Variants in DOCK3 observed in about 807,000 individuals in gnomAD.
DOCK3 encodes the protein dedicator of cytokinesis 3.
In DOCK3, 60 loss-of-function variants were observed where a neutral mutation model predicts 265.6. The observed-to-expected ratio is 0.23, with a 90% CI of 0.18 to 0.28. The LOEUF (loss-of-function observed/expected upper bound fraction) is 0.28, where lower values mean the gene tolerates loss of function less well. Ranked by LOEUF, DOCK3 falls within the 10% of genes least tolerant of loss-of-function variation. The pLI is 1.00. For synonymous variants in DOCK3, 881 were observed against 938.0 expected, an observed-to-expected ratio of 0.94 and a Z score of 1.11; for missense variants, 1,981 against 2,594.3, an observed-to-expected ratio of 0.76 and a Z score of 5.14.
In DOCK3 at chr3:51,374,938, T is replaced by C. The variant is rs2087980203; in HGVS notation, c.5412+351T>C. 2.0e-5 allele frequency among the ~76,000 whole-genome samples: 3 copies of C among 152,232 alleles called. No individual in the cohort carries two copies. Among genetic ancestry groups the C allele is most frequent in the Non-Finnish European group, 2.9e-5 (2 of 68,044 alleles). ...TTCTGAGAAGGCAGTGGTGGACACA[T>C]TGGTCTGGAAGATGTTCTTCCTCCC... On this transcript the variant is annotated intron_variant, in intron 50 of 52. Coordinates refer to ENST00000266037, the MANE Select transcript of DOCK3 (RefSeq NM_004947.5). This position sits in a 1 kb window ranked among gnomAD's most constrained non-coding sequence, Gnocchi z 4.8.
chr3:50,741,107 G>C (rs2038990449), intron 1 of DOCK3, among the ~76,000 whole-genome samples: 1 of 151,372 alleles, frequency 6.6e-6, no homozygotes, highest in Admixed American at 6.6e-5. Flanking sequence ...TCATGTGCTA[G>C]AGCTTCATTA....
chr3:50,812,373 A>G (rs1046576950), intron 2 of DOCK3, among the ~76,000 whole-genome samples: 12 of 152,332 alleles, frequency 7.9e-5, no homozygotes, highest in African/African-American at 2.9e-4. Flanking sequence ...GGCAAAAGAA[A>G]GATGTTTATA....
chr3:50,762,995 G>T (rs1489702551), intron 1 of DOCK3, among the ~76,000 whole-genome samples: 2 of 151,898 alleles, frequency 1.3e-5, no homozygotes, highest in Admixed American at 6.6e-5. Flanking sequence ...TTACAGTGGG[G>T]TTATATCCTA....
At chr3:50,682,548 A>G (rs2034486535) in intron 1 of DOCK3, among the ~76,000 whole-genome samples, 1 of 152,096 alleles carries the variant, frequency 6.6e-6, no homozygotes, top group Non-Finnish European at 1.5e-5. Flanking sequence ...ATCCTGTTAT[A>G]CTTTGTATTT....
At chr3:51,175,200 G>A (rs1448632831) in intron 12 of DOCK3, among the ~76,000 whole-genome samples, 1 of 152,118 alleles carries the variant, frequency 6.6e-6, no homozygotes, top group Non-Finnish European at 1.5e-5. Flanking sequence ...TTTCTCCCTT[G>A]GGTCCCTGGG....
At chr3:51,358,155 GA>G in intron 46 of DOCK3, 78 bp downstream of exon 46, 1 of 1,443,914 alleles carries the variant, frequency 6.9e-7, no homozygotes, top group Non-Finnish European at 9.6e-7. Context: ...CAAACCAAAG[GA>G]AAATAGGAGA....
At chr3:50,917,026 C>T (rs907936226) in intron 4 of DOCK3, among the ~76,000 whole-genome samples, 12 of 151,910 alleles carry the variant, frequency 7.9e-5, no homozygotes, top group Non-Finnish European at 1.3e-4. Flanking sequence ...AGGAAAGACA[C>T]GGATGTTCCA....
intron 12 of DOCK3, among the ~76,000 whole-genome samples, chr3:51,199,266 G>A (rs998789368): frequency 3.1e-4 from 47 of 152,346 alleles, no homozygotes; most frequent in African/African-American, 1.1e-3. Context: ...CAAGGGGTCA[G>A]GGAGTTCCGT....
intron 1 of DOCK3, among the ~76,000 whole-genome samples, chr3:50,720,789 A>G (rs958406329): frequency 1.3e-5 from 2 of 152,210 alleles, no homozygotes; most frequent in African/African-American, 4.8e-5. Context: ...CTTCTTCCAC[A>G]ATGGCTGAAC....
At chr3:51,207,792 G>T (rs1253956558) in intron 12 of DOCK3, among the ~76,000 whole-genome samples, 1 of 152,044 alleles carries the variant, frequency 6.6e-6, no homozygotes, top group African/African-American at 2.4e-5. Context: ...AGTTCCATGG[G>T]TTCTCCTTTT....
chr3:51,277,555 G>A, intron 25 of DOCK3, 53 bp from the exon 26 acceptor site: 28 of 1,491,406 alleles, frequency 1.9e-5, no homozygotes, highest in Non-Finnish European at 2.5e-5. Flanking sequence ...GCTGCCAGCT[G>A]TACTTCAGCC....
Position 50,905,613 on chromosome 3 carries a change from G to A in DOCK3, c.218+15532G>A, listed in dbSNP as rs1367619005. 2.6e-5 allele frequency among the ~76,000 whole-genome samples: 4 copies of A among 152,084 alleles called. No homozygotes were observed. In the South Asian group the frequency reaches 8.3e-4, roughly 31 times the overall value. ...CTTGTGATTTTTGCACATTGATTTT[G>A]TATCCTGAGACTTTGCTGAAGTTGC... On this transcript the variant is annotated intron_variant, in intron 4 of 52. Transcript: ENST00000266037.
chr3:51,320,862 A>T (rs2083675158), intron 32 of DOCK3, among the ~76,000 whole-genome samples: 2 of 152,188 alleles, frequency 1.3e-5, no homozygotes, highest in African/African-American at 4.8e-5. Flanking sequence ...TCTCCCTGGG[A>T]CAGAGCACCT....
chr3:51,152,079 C>G (rs2085628796), intron 10 of DOCK3, among the ~76,000 whole-genome samples: 1 of 152,166 alleles, frequency 6.6e-6, no homozygotes. Context: ...GGATAATATC[C>G]TGCAGAGTGT....
At chr3:50,753,830 T>A (rs1044823065) in intron 1 of DOCK3, among the ~76,000 whole-genome samples, 1 of 152,118 alleles carries the variant, frequency 6.6e-6, no homozygotes, top group Non-Finnish European at 1.5e-5. Flanking sequence ...GTTAAATGGA[T>A]TGTGAAATAC....
intron 12 of DOCK3, among the ~76,000 whole-genome samples, chr3:51,181,254 A>G (rs2087275591): frequency 6.6e-6 from 1 of 151,226 alleles, no homozygotes; most frequent in African/African-American, 2.4e-5. Context: ...CGTCATTTAT[A>G]TTAGGTATAT....
chr3:51,101,698 CTTA>C (rs1476126014), intron 9 of DOCK3, among the ~76,000 whole-genome samples: 1 of 152,100 alleles, frequency 6.6e-6, no homozygotes, highest in Non-Finnish European at 1.5e-5. Context: ...GAACAAATGA[CTTA>C]TTATAAACTC....
chr3:51,043,678 T>C (rs2080635386), intron 5 of DOCK3, among the ~76,000 whole-genome samples: 1 of 151,560 alleles, frequency 6.6e-6, no homozygotes, highest in Non-Finnish European at 1.5e-5. Flanking sequence ...TTGCATTATA[T>C]GCATTCAGCA....
At chr3:50,758,303 A>G (rs1462816059) in intron 1 of DOCK3, among the ~76,000 whole-genome samples, 2 of 150,344 alleles carry the variant, frequency 1.3e-5, no homozygotes, top group South Asian at 2.1e-4. Context: ...TGCCACTACC[A>G]CACTATCTTC....
Sources: gnomAD v4.1 joint callset for allele counts (sites outside exome capture counted in the v4.1 genomes callset) on GRCh38, gnomAD v4.1.1 for gene constraint, Gnocchi (gnomAD v3.1) non-coding constraint, MANE v1.5 for transcripts, NCBI Gene and HGNC (gene_info 2026-07-23, HGNC 2026-07-21) for gene names.